PRDM16: variants seen among roughly 807,000 people sequenced by gnomAD.
PRDM16 encodes histone-lysine N-methyltransferase PRDM16.
Under a neutral mutation model 110.6 loss-of-function variants are expected in PRDM16, and 23 were observed. The observed-to-expected ratio is 0.21, with a 90% CI of 0.15 to 0.29. The LOEUF (loss-of-function observed/expected upper bound fraction) is 0.29. PRDM16 is among the 10% of genes least tolerant of loss of function. PRDM16 has a pLI of 1.00. For missense variants in PRDM16, 1,615 were observed against 1,794.3 expected (o/e 0.90, Z 1.81); for synonymous variants, 799 against 781.8 (o/e 1.02, Z -0.37).
chr1:3,219,149 G>A (rs916502359), intron 2 of PRDM16, among the ~76,000 whole-genome samples: 2 of 152,188 alleles, frequency 1.3e-5, no homozygotes, highest in African/African-American at 2.4e-5. Context: ...ACAGCCTCAC[G>A]GTGCACAGAA....
At chr1:3,077,682 G>C (rs1323164473) in intron 1 of PRDM16, among the ~76,000 whole-genome samples, 1 of 152,184 alleles carries the variant, frequency 6.6e-6, no homozygotes, top group African/African-American at 2.4e-5. Flanking sequence ...TTGGGAAGCT[G>C]ATTGGTCAGT....
rs113466992 is a variant in PRDM16, at chr1:3,175,257, C to T, written c.38-10868C>T. Among the ~76,000 whole-genome samples the T allele has an allele frequency of 1.8e-3, 274 of 152,298 alleles. 2 individuals are homozygous for T. Among genetic ancestry groups the T allele is most frequent in the African/African-American group, 6.4e-3 (265 of 41,556 alleles). Reference sequence around the variant, plus strand: ...GAAGGGGCCTTCAGGATGACCCTGCCGCTCCAGGAGCCCTCCCACTGAAGA... The same window carrying T: ...GAAGGGGCCTTCAGGATGACCCTGCTGCTCCAGGAGCCCTCCCACTGAAGA... On this transcript the variant is annotated intron_variant, in intron 1 of 16. Transcript: ENST00000270722. The surrounding 1 kb of genome is among the most constrained non-coding windows in gnomAD (Gnocchi z 4.8).
intron 1 of PRDM16, among the ~76,000 whole-genome samples, chr1:3,153,660 C>G (rs1042240089): frequency 2.0e-5 from 3 of 152,232 alleles, no homozygotes; most frequent in East Asian, 1.9e-4. Context: ...AAAGGCAGTC[C>G]TGTTTGGATC....
intron 4 of PRDM16, among the ~76,000 whole-genome samples, chr1:3,389,039 C>CAGA (rs1421003169): frequency 2.6e-5 from 4 of 152,326 alleles, no homozygotes; most frequent in Admixed American, 2.0e-4. Flanking sequence ...TCTGGCTGCT[C>CAGA]AGAAGCCTGC....
At chr1:3,141,882 C>T (rs1165482855) in intron 1 of PRDM16, among the ~76,000 whole-genome samples, 5 of 152,238 alleles carry the variant, frequency 3.3e-5, no homozygotes, top group Admixed American at 3.3e-4. Context: ...TGCCACCTGA[C>T]CCGTTCTGTG....
intron 1 of PRDM16, among the ~76,000 whole-genome samples, chr1:3,136,751 C>T (rs541687653): frequency 1.9e-4 from 29 of 152,296 alleles, no homozygotes; most frequent in South Asian, 4.1e-4. Flanking sequence ...TCTCTAATGG[C>T]TGCAGGCACC....
At position 3,213,596 on chromosome 1, in the gene PRDM16, G is replaced by A. The variant is rs1638952078; in HGVS notation, c.387+27122G>A. Among the ~76,000 whole-genome samples the A allele has an allele frequency of 6.6e-6, 1 of 152,152 alleles. No individual in the cohort carries two copies. The highest frequency in any genetic ancestry group is 6.5e-5 in the Admixed American group (1 of 15,278). ...GAACTCACTCTTTCTCCGAGGAACA[G>A]GAGCAAGTGCGGCATTCTGGAGGGA... On this transcript the variant is annotated intron_variant, in intron 2 of 16. Coordinates refer to ENST00000270722, the MANE Select transcript of PRDM16 (RefSeq NM_022114.4). The surrounding 1 kb of genome is among the most constrained non-coding windows in gnomAD (Gnocchi z 5.3).
chr1:3,369,548 C>A (rs1358176342), intron 3 of PRDM16, among the ~76,000 whole-genome samples: 1 of 152,278 alleles, frequency 6.6e-6, no homozygotes, highest in Non-Finnish European at 1.5e-5. Flanking sequence ...AAAGGATGGG[C>A]TGATTCGTTC....
intron 5 of PRDM16, 99 bp downstream of exon 5, chr1:3,396,692 C>T: frequency 1.6e-6 from 1 of 612,800 alleles, no homozygotes; most frequent in Non-Finnish European, 2.9e-6. Flanking sequence ...CTCTCATCAC[C>T]TCAAGCCACC....
At chr1:3,141,228 G>A (rs1214827292) in intron 1 of PRDM16, among the ~76,000 whole-genome samples, 4 of 152,162 alleles carry the variant, frequency 2.6e-5, no homozygotes, top group Admixed American at 2.6e-4. Context: ...CCAATTTGGG[G>A]GTATTTTCTC....
intron 1 of PRDM16, among the ~76,000 whole-genome samples, chr1:3,181,032 GCGGTCTTACACA>G (rs1479334221): frequency 8.4e-6 from 1 of 118,686 alleles, no homozygotes; most frequent in Non-Finnish European, 1.8e-5. Context: ...GGTCTTACAC[GCGGTCTTACACA>G]CGCAGTCTTA....
At chr1:3,233,198 C>G (rs530159370) in intron 2 of PRDM16, among the ~76,000 whole-genome samples, 1 of 152,332 alleles carries the variant, frequency 6.6e-6, no homozygotes, top group South Asian at 2.1e-4. Context: ...GCCCCCTGCC[C>G]AGGGTGGGGG....
chr1:3,388,412 C>T (rs1215342595), intron 4 of PRDM16, among the ~76,000 whole-genome samples: 2 of 152,172 alleles, frequency 1.3e-5, no homozygotes, highest in Non-Finnish European at 2.9e-5. Flanking sequence ...CGTAAAACAA[C>T]GTCGAGTTTG....
chr1:3,338,393 C>CAAAA (rs1247583042), intron 3 of PRDM16, among the ~76,000 whole-genome samples: 91 of 152,368 alleles, frequency 6.0e-4, no homozygotes, highest in African/African-American at 2.1e-3. Flanking sequence ...AACACACTGT[C>CAAAA]CAGGGAGCAA....
rs557119546 is a variant in PRDM16, at chr1:3,437,028, C to T, written c.*3217C>T. ...CCTGCTCTCATCCCCAGGTTGGGCA[C>T]GTGGGGTTCCTCCTCTGTGGGCCTG... is the stretch of plus-strand genomic sequence containing the variant. On this transcript the variant is annotated 3_prime_UTR_variant, in exon 17 of 17. Transcript: ENST00000270722. 51 of 233,068 alleles carry T rather than the reference C, an allele frequency of 2.2e-4. No individual in the cohort carries two copies. Among genetic ancestry groups the T allele is most frequent in the Middle Eastern group, 1.3e-3 (1 of 784 alleles). 14.4% of individuals were successfully genotyped at this position (233,068 alleles called of 1,614,324 possible). A position where few individuals can be genotyped will look rare whatever the true frequency, so the allele number is the denominator to read the frequency against.
chr1:3,114,924 C>T (rs936443867), intron 1 of PRDM16, among the ~76,000 whole-genome samples: 7 of 152,266 alleles, frequency 4.6e-5, no homozygotes, highest in East Asian at 1.9e-4. Context: ...TGAGGAGAGG[C>T]GCCTCCCTGC....
chr1:3,151,040 G>A (rs1484275732), intron 1 of PRDM16, among the ~76,000 whole-genome samples: 1 of 150,772 alleles, frequency 6.6e-6, no homozygotes, highest in Non-Finnish European at 1.5e-5. Flanking sequence ...AGCTATGGAA[G>A]CCGGGGGCTG....
intron 1 of PRDM16, among the ~76,000 whole-genome samples, chr1:3,125,872 C>T (rs1643194323): frequency 6.6e-6 from 1 of 152,194 alleles, no homozygotes. Context: ...TTGTGGGCCC[C>T]AGCTCCAGGC....
chr1:3,412,959 A>G (rs1259810852), intron 9 of PRDM16, among the ~76,000 whole-genome samples, 159 bp downstream of exon 9: 1 of 151,908 alleles, frequency 6.6e-6, no homozygotes, highest in African/African-American at 2.4e-5. Flanking sequence ...GGGGGTCTGC[A>G]CCCCTCAGGA....
Sources: allele counts gnomAD v4.1 joint callset (sites outside exome capture counted in the v4.1 genomes callset), GRCh38; gene constraint gnomAD v4.1.1; non-coding constraint Gnocchi (gnomAD v3.1); transcripts MANE v1.5; gene names NCBI Gene and HGNC (gene_info 2026-07-23, HGNC 2026-07-21).